Variants in ZNF81 observed in about 807,000 individuals in gnomAD.
The protein encoded by ZNF81 is zinc finger protein 81 (HFZ20).
A neutral mutation model predicts 32.3 loss-of-function variants in ZNF81; 5 were observed. That is an observed-to-expected ratio of 0.15 (90% CI 0.08 to 0.33). ZNF81 has a LOEUF of 0.33. Ranked by LOEUF, ZNF81 falls within the 10% of genes least tolerant of loss-of-function variation. ZNF81 has a pLI of 1.00. For synonymous variants in ZNF81, 163 were observed against 166.8 expected (o/e 0.98, Z 0.17); for missense variants, 379 against 479.8 (o/e 0.79, Z 1.96).
rs142699283 is a variant in ZNF81 at position 47,861,299 on chromosome X, A to G, written c.54+14978A>G. 3.5e-3 allele frequency among the ~76,000 whole-genome samples: 391 copies of G among 111,597 alleles called. 5 individuals carry two copies. In the East Asian group the frequency reaches 0.041, roughly 12 times the overall value. On this transcript the variant is annotated intron_variant, in intron 2 of 4. Coordinates refer to ENST00000338637, the MANE Select transcript of ZNF81 (RefSeq NM_007137.5). The stretch of plus-strand genomic sequence containing the variant: ...TGCAAAGAATTGCTCGGTGTGGAAA[A>G]CCCCACACATTTGGTGTCAGAAGTG...
intron 2 of ZNF81, among the ~76,000 whole-genome samples, chrX:47,855,164 A>T (rs28733416): frequency 0.022 from 1,767 of 80,139 alleles, 30 homozygotes; most frequent in African/African-American, 0.06. Flanking sequence ...AAAAATAAAT[A>T]AATTAATTAA....
intron 2 of ZNF81, among the ~76,000 whole-genome samples, chrX:47,879,543 C>A (rs1055908516): frequency 9.6e-4 from 107 of 112,017 alleles, no homozygotes; most frequent in African/African-American, 3.3e-3. Flanking sequence ...CTAGATGATA[C>A]CTGCACATAC....
chrX:47,909,177 T>C (rs1160424196), intron 4 of ZNF81, among the ~76,000 whole-genome samples: 2 of 112,160 alleles, frequency 1.8e-5, no homozygotes, highest in African/African-American at 6.5e-5. Flanking sequence ...TGGTATTGGT[T>C]GATCACTGGA....
At chrX:47,888,273 A>C (rs1156496526) in intron 3 of ZNF81, 148 bp downstream of exon 3, 1 of 820,476 alleles carries the variant, frequency 1.2e-6, no homozygotes, top group Non-Finnish European at 1.7e-6. Flanking sequence ...AATCAAGCTA[A>C]AATGAGATCA....
Position 47,883,999 on chromosome X carries a change from G to A in ZNF81, c.55-4000G>A, listed in dbSNP as rs187620280. On this transcript the variant is annotated intron_variant, in intron 2 of 4. Transcript: ENST00000338637. ...GTGGTGGCTCATGCCTGTAATCCCAGCACTTTGGGAGGCCGAGGCAGGTGG... is the reference window on the plus strand; with the variant it reads ...GTGGTGGCTCATGCCTGTAATCCCAACACTTTGGGAGGCCGAGGCAGGTGG... 4.3e-3 allele frequency among the ~76,000 whole-genome samples: 473 copies of A among 110,809 alleles called. 3 individuals are homozygous for A. Among genetic ancestry groups the A allele is most frequent in the Non-Finnish European group, 7.0e-3 (370 of 52,921 alleles).
In ZNF81 at chrX:47,846,331, A is replaced by C. The variant is rs1013929536; in HGVS notation, c.54+10A>C. ...TGGCAGTGCCTGTGAGGTGAGGAGGAGGAAGAGGTGCCCAGGGATTGGAAT... is the reference window on the plus strand; with the variant it reads ...TGGCAGTGCCTGTGAGGTGAGGAGGCGGAAGAGGTGCCCAGGGATTGGAAT... On this transcript the variant is annotated intron_variant, in intron 2 of 4. Transcript: ENST00000338637. 46 of 1,205,371 alleles carry C rather than the reference A, an allele frequency of 3.8e-5. No homozygotes were observed. Among genetic ancestry groups the C allele is most frequent in the Non-Finnish European group, 4.9e-5 (44 of 893,163 alleles).
At chrX:47,903,023 G>A (rs1173593409) in intron 4 of ZNF81, among the ~76,000 whole-genome samples, 2 of 112,031 alleles carry the variant, frequency 1.8e-5, no homozygotes, top group Admixed American at 9.4e-5. Context: ...TTAAGGCTAA[G>A]AACTCTCAAT....
chrX:47,897,849 A>C lies in ZNF81; in HGVS notation c.277+1909A>C, dbSNP rs188979730. 3.2e-3 allele frequency among the ~76,000 whole-genome samples: 361 copies of C among 112,212 alleles called. 3 individuals are homozygous for C. Among genetic ancestry groups the C allele is most frequent in the African/African-American group, 1.0e-2 (309 of 30,903 alleles). Reference sequence around the variant, plus strand: ...TCTGGTCTCTCATTTCTGTTCAATTAATCTATTTGTCTGTCTGCTTTAAAA... The same window carrying C: ...TCTGGTCTCTCATTTCTGTTCAATTCATCTATTTGTCTGTCTGCTTTAAAA... On this transcript the variant is annotated intron_variant, in intron 4 of 4. Coordinates refer to ENST00000338637, the MANE Select transcript of ZNF81 (RefSeq NM_007137.5).
intron 2 of ZNF81, among the ~76,000 whole-genome samples, chrX:47,849,850 A>G (rs973122668): frequency 1.5e-4 from 17 of 112,102 alleles, no homozygotes; most frequent in African/African-American, 5.5e-4. Flanking sequence ...AGATATTCAG[A>G]TGGCTAATAG....
intron 3 of ZNF81, among the ~76,000 whole-genome samples, chrX:47,888,370 A>G (rs1315668786): frequency 9.0e-6 from 1 of 111,205 alleles, no homozygotes; most frequent in African/African-American, 3.3e-5. Context: ...ACGCACGCAC[A>G]CACACACACA....
chrX:47,850,653 C>T (rs1320347838), intron 2 of ZNF81, among the ~76,000 whole-genome samples: 2 of 103,755 alleles, frequency 1.9e-5, no homozygotes. Context: ...GGGAGCTGGC[C>T]ATGTTCTATT....
intron 4 of ZNF81, among the ~76,000 whole-genome samples, chrX:47,904,498 C>A (rs1446725380): frequency 1.9e-5 from 2 of 107,900 alleles, no homozygotes; most frequent in African/African-American, 6.7e-5. Context: ...AAATGCAAAT[C>A]AAAACCACAA....
At chrX:47,902,819 C>A (rs936183115) in intron 4 of ZNF81, among the ~76,000 whole-genome samples, 26 of 111,272 alleles carry the variant, frequency 2.3e-4, no homozygotes, top group Admixed American at 2.2e-3. Flanking sequence ...TTTGGGAGGC[C>A]GAGGCGGGTG....
Position 47,880,090 on chromosome X carries a change from G to C in ZNF81, c.55-7909G>C, listed in dbSNP as rs782122745. 1.2e-4 allele frequency among the ~76,000 whole-genome samples: 13 copies of C among 112,248 alleles called. No individual in the cohort carries two copies. The South Asian group carries it at 4.4e-3, about 38-fold the overall frequency. On this transcript the variant is annotated intron_variant, in intron 2 of 4. Transcript: ENST00000338637. ...TTCATAGGTGGTGTTGAACACACTTGCTAATTCATCCCTCCAGGAGGCACA... is the reference window on the plus strand; with the variant it reads ...TTCATAGGTGGTGTTGAACACACTTCCTAATTCATCCCTCCAGGAGGCACA...
At chrX:47,883,750 T>C (rs2058629951) in intron 2 of ZNF81, among the ~76,000 whole-genome samples, 2 of 112,265 alleles carry the variant, frequency 1.8e-5, no homozygotes, top group African/African-American at 6.5e-5. Flanking sequence ...AATTTCCTTG[T>C]AAATTTGTCT....
chrX:47,923,615 A>G lies in ZNF81; in HGVS notation c.*6983A>G, dbSNP rs1259703081. Among the ~76,000 whole-genome samples the G allele has an allele frequency of 8.9e-6, 1 of 112,071 alleles. No homozygotes were observed. The highest frequency in any genetic ancestry group is 3.2e-5 in the African/African-American group (1 of 30,779). On this transcript the variant is annotated 3_prime_UTR_variant, in exon 5 of 5. Transcript: ENST00000338637. The stretch of plus-strand genomic sequence containing the variant: ...AATGCTATTTTGGAAGTAAATTTAA[A>G]CAAAGCAATTGAGCAAACTCAGAGG...
intron 2 of ZNF81, among the ~76,000 whole-genome samples, chrX:47,859,158 T>C (rs1329485283): frequency 1.8e-5 from 2 of 111,151 alleles, no homozygotes; most frequent in East Asian, 5.5e-4. Flanking sequence ...GTTCTTTAAG[T>C]GGTTACCTTT....
At chrX:47,841,095 T>C in intron 1 of ZNF81, 1 of 859,288 alleles carries the variant, frequency 1.2e-6, no homozygotes, top group Non-Finnish European at 1.7e-6. Flanking sequence ...TCAAGAACCA[T>C]GAGATCTCCT....
chrX:47,914,690 C>T (rs1423474565), intron 4 of ZNF81, among the ~76,000 whole-genome samples: 1 of 111,157 alleles, frequency 9.0e-6, no homozygotes, highest in Non-Finnish European at 1.9e-5. Context: ...CAGACTGTAC[C>T]CCTGTTGTCA....
Sources: allele counts gnomAD v4.1 joint callset (sites outside exome capture counted in the v4.1 genomes callset), GRCh38; gene constraint gnomAD v4.1.1; transcripts MANE v1.5; gene names NCBI Gene and HGNC (gene_info 2026-07-23, HGNC 2026-07-21).